The following ZNF521 variants were observed in gnomAD, a reference collection of about 807,000 sequenced individuals.
The protein encoded by ZNF521 is LYST-interacting protein 3.
Under a neutral mutation model 105.5 loss-of-function variants are expected in ZNF521, and 14 were observed. The observed-to-expected ratio is 0.13, with a 90% confidence interval of 0.09 to 0.21. ZNF521 has a LOEUF of 0.21. Ranked by LOEUF, ZNF521 falls within the 10% of genes least tolerant of loss-of-function variation. ZNF521 has a pLI of 1.00. For missense variants in ZNF521, 1,233 were observed against 1,629.7 expected (o/e 0.76, Z 4.19); for synonymous variants, 635 against 606.0 (o/e 1.05, Z -0.70).
chr18:25,076,297 T>A (rs1230097886), intron 7 of ZNF521, among the ~76,000 whole-genome samples: 1 of 152,226 alleles, frequency 6.6e-6, no homozygotes, highest in Non-Finnish European at 1.5e-5. Context: ...CAGTTGTTTT[T>A]CAGAATTCTG....
rs142875691 is a variant in ZNF521, at chr18:25,111,136, T to C, written c.3659-19055A>G. Among the ~76,000 whole-genome samples the C allele has an allele frequency of 1.5e-3, 234 of 152,130 alleles. 1 individual carries two copies. Among genetic ancestry groups the C allele is most frequent in the African/African-American group, 5.5e-3 (228 of 41,520 alleles). ...ATTTTCTCGACAAGCAGAAAAACGG[T>C]GCCCAGCTTCCTCCCTAGGCAGTCT... is the stretch of plus-strand genomic sequence containing the variant. On this transcript the variant is annotated intron_variant, in intron 5 of 7. Coordinates refer to ENST00000361524, the MANE Select transcript of ZNF521 (RefSeq NM_015461.3).
At chr18:25,086,889 G>A (rs1318496937) in intron 7 of ZNF521, among the ~76,000 whole-genome samples, 1 of 152,142 alleles carries the variant, frequency 6.6e-6, no homozygotes, top group Non-Finnish European at 1.5e-5. Flanking sequence ...TATGCCTGTG[G>A]TTCTCAAAGG....
At chr18:25,212,858 G>A (rs1313468371) in intron 4 of ZNF521, among the ~76,000 whole-genome samples, 1 of 151,210 alleles carries the variant, frequency 6.6e-6, no homozygotes, top group African/African-American at 2.4e-5. Context: ...GGTTTTGCTA[G>A]TGAATAAAAA....
intron 3 of ZNF521, among the ~76,000 whole-genome samples, chr18:25,274,996 T>C (rs1909938934): frequency 6.6e-6 from 1 of 151,942 alleles, no homozygotes; most frequent in Non-Finnish European, 1.5e-5. Context: ...GGAACAGAAA[T>C]AAGGAAGAAA....
chr18:25,189,277 T>C (rs181025702), intron 5 of ZNF521, among the ~76,000 whole-genome samples: 12 of 152,276 alleles, frequency 7.9e-5, no homozygotes, highest in African/African-American at 2.9e-4. Context: ...AGTACAGCTA[T>C]GTTATATTTA....
In ZNF521 at chr18:25,063,086, C is replaced by G. The variant is rs78938383; in HGVS notation, c.3907-345G>C. Among the ~76,000 whole-genome samples, 722 of 152,274 alleles carry G rather than the reference C, an allele frequency of 4.7e-3. 1 individual carries two copies. The highest frequency in any genetic ancestry group is 0.016 in the African/African-American group (681 of 41,550). The stretch of plus-strand genomic sequence containing the variant: ...TGCCTTTTCTCCACCTCTGCCATGC[C>G]TTTCTATAATACCCTCCCGCCATCC... On this transcript the variant is annotated intron_variant, in intron 7 of 7. Coordinates refer to ENST00000361524, the MANE Select transcript of ZNF521 (RefSeq NM_015461.3).
In ZNF521 at chr18:25,351,152, A is replaced by ACGGCGGCGGCGG. The variant is rs551517292; in HGVS notation, c.-1-217_-1-206dup. The ACGGCGGCGGCGG allele has an allele frequency of 7.7e-5, 12 of 155,146 alleles. No homozygotes were observed. In the South Asian group the frequency reaches 2.2e-3, roughly 28 times the overall value. 9.6% of individuals were successfully genotyped at this position (155,146 alleles called of 1,614,324 possible). A position where few individuals can be genotyped will look rare whatever the true frequency, so the allele number is the denominator to read the frequency against. Reference sequence around the variant, plus strand: ...CTGCCCGAGCTCCGCGCTCTGCACGACGGCGGCGGCGGCGGCGGCGGCTGC... The same window carrying ACGGCGGCGGCGG: ...CTGCCCGAGCTCCGCGCTCTGCACGACGGCGGCGGCGGCGGCGGCGGCGGCGGCGGCGGCTGC... On this transcript the variant is annotated intron_variant, in intron 1 of 7. Transcript: ENST00000361524.
intron 3 of ZNF521, among the ~76,000 whole-genome samples, chr18:25,299,102 T>C (rs776440665): frequency 6.6e-6 from 1 of 152,230 alleles, no homozygotes; most frequent in Non-Finnish European, 1.5e-5. Context: ...ATCCTCTGCA[T>C]CTGTCCCCAT....
rs1906280077 is a variant in ZNF521, at chr18:25,227,890, T to C, written c.221-193A>G. On this transcript the variant is annotated intron_variant, in intron 3 of 7. Coordinates refer to ENST00000361524, the MANE Select transcript of ZNF521 (RefSeq NM_015461.3). This position sits in a 1 kb window ranked among gnomAD's most constrained non-coding sequence, Gnocchi z 5.7. ...AAGCAGTTATTCTGCATTTACTTTT[T>C]GTTGAGTTGTAAAATATAAGAGGAT... 1.3e-5 allele frequency among the ~76,000 whole-genome samples: 2 copies of C among 152,258 alleles called. No individual in the cohort carries two copies. Among genetic ancestry groups the C allele is most frequent in the Non-Finnish European group, 2.9e-5 (2 of 68,048 alleles).
chr18:25,081,688 GCTTAT>G (rs1207756220), intron 7 of ZNF521, among the ~76,000 whole-genome samples: 1 of 152,270 alleles, frequency 6.6e-6, no homozygotes, highest in African/African-American at 2.4e-5. Flanking sequence ...TGATAATCAT[GCTTAT>G]CTTTCTGTAT....
intron 5 of ZNF521, among the ~76,000 whole-genome samples, chr18:25,147,558 C>T (rs1188625653): frequency 6.6e-6 from 1 of 152,168 alleles, no homozygotes; most frequent in Non-Finnish European, 1.5e-5. Flanking sequence ...AGTTCGACAG[C>T]TGCTTTATGA....
chr18:25,119,809 A>G (rs1470118828), intron 5 of ZNF521, among the ~76,000 whole-genome samples: 2 of 152,038 alleles, frequency 1.3e-5, no homozygotes. Flanking sequence ...TCAGTATAAG[A>G]AAAGAAACAA....
At chr18:25,148,764 C>A (rs1026579712) in intron 5 of ZNF521, among the ~76,000 whole-genome samples, 9 of 152,050 alleles carry the variant, frequency 5.9e-5, no homozygotes, top group African/African-American at 1.4e-4. Flanking sequence ...TTTCACTTGT[C>A]ATAAATTAGG....
At chr18:25,297,040 T>C (rs1911360501) in intron 3 of ZNF521, among the ~76,000 whole-genome samples, 1 of 151,870 alleles carries the variant, frequency 6.6e-6, no homozygotes, top group Non-Finnish European at 1.5e-5. Flanking sequence ...GCCTTGTAAG[T>C]AGCAACCATT....
At chr18:25,245,491 A>G (rs1036400144) in intron 3 of ZNF521, among the ~76,000 whole-genome samples, 2 of 152,200 alleles carry the variant, frequency 1.3e-5, no homozygotes, top group African/African-American at 4.8e-5. Context: ...AGCTAGGTGG[A>G]TGATGCAAGA....
intron 3 of ZNF521, among the ~76,000 whole-genome samples, chr18:25,313,966 G>T (rs996391272): frequency 6.6e-6 from 1 of 151,868 alleles, no homozygotes; most frequent in East Asian, 1.9e-4. Flanking sequence ...AAGGAAACAG[G>T]AAAATAAAAC....
chr18:25,065,562 G>T (rs1320238408), intron 7 of ZNF521, among the ~76,000 whole-genome samples: 2 of 151,700 alleles, frequency 1.3e-5, no homozygotes, highest in African/African-American at 2.4e-5. Flanking sequence ...TTTTAAAAAA[G>T]GAATACTCAA....
At chr18:25,106,475 A>T (rs1347371714) in intron 5 of ZNF521, among the ~76,000 whole-genome samples, 1 of 152,174 alleles carries the variant, frequency 6.6e-6, no homozygotes, top group East Asian at 1.9e-4. Context: ...ATCCGTTGAA[A>T]ATAAAGCCCA....
intron 5 of ZNF521, among the ~76,000 whole-genome samples, chr18:25,106,200 T>G (rs924693134): frequency 3.3e-5 from 5 of 152,188 alleles, no homozygotes; most frequent in African/African-American, 1.2e-4. Flanking sequence ...TCAAACTGTA[T>G]GAAACAAGAC....
Sources: allele counts gnomAD v4.1 joint callset (sites outside exome capture counted in the v4.1 genomes callset), GRCh38; gene constraint gnomAD v4.1.1; non-coding constraint Gnocchi (gnomAD v3.1); transcripts MANE v1.5; gene names NCBI Gene and HGNC (gene_info 2026-07-23, HGNC 2026-07-21).